The following CAMK1D variants were observed in gnomAD, a reference collection of about 807,000 sequenced individuals.
CAMK1D encodes calcium/calmodulin-dependent protein kinase type 1D.
Under a neutral mutation model 47.7 loss-of-function variants are expected in CAMK1D, and 9 were observed. That is an observed-to-expected ratio of 0.19 (90% CI 0.11 to 0.33). CAMK1D has a LOEUF of 0.33. CAMK1D is among the 10% of genes least tolerant of loss of function. CAMK1D has a pLI of 1.00. For missense variants in CAMK1D, 291 were observed against 488.7 expected (o/e 0.60, Z 3.81); for synonymous variants, 184 against 184.9 (o/e 0.99, Z 0.04).
At chr10:12,546,932 C>A (rs1836396717) in intron 1 of CAMK1D, among the ~76,000 whole-genome samples, 1 of 151,856 alleles carries the variant, frequency 6.6e-6, no homozygotes, top group Non-Finnish European at 1.5e-5. Context: ...ACGTGGTGCA[C>A]ATGTACCGTA....
intron 8 of CAMK1D, among the ~76,000 whole-genome samples, chr10:12,817,382 C>T (rs1390920444): frequency 6.6e-6 from 1 of 152,106 alleles, no homozygotes; most frequent in Non-Finnish European, 1.5e-5. Context: ...AGATGCTTTT[C>T]GAATTTGTGT....
At chr10:12,737,712 A>G (rs1835249114) in intron 3 of CAMK1D, among the ~76,000 whole-genome samples, 1 of 152,224 alleles carries the variant, frequency 6.6e-6, no homozygotes, top group Non-Finnish European at 1.5e-5. Context: ...TAATTGTGAT[A>G]TGACCAAATC....
chr10:12,395,135 G>A (rs1420393600), intron 1 of CAMK1D, among the ~76,000 whole-genome samples: 3 of 143,734 alleles, frequency 2.1e-5, no homozygotes, highest in African/African-American at 5.2e-5. Flanking sequence ...GCAGTGGTGC[G>A]ATCATAGCTA....
intron 3 of CAMK1D, among the ~76,000 whole-genome samples, chr10:12,732,083 A>G (rs1564522453): frequency 6.6e-6 from 1 of 152,154 alleles, no homozygotes; most frequent in Non-Finnish European, 1.5e-5. Flanking sequence ...CTTACTAAAA[A>G]TACAAAAAGT....
chr10:12,373,234 GC>G (rs1202360941), intron 1 of CAMK1D, among the ~76,000 whole-genome samples: 5 of 151,552 alleles, frequency 3.3e-5, no homozygotes, highest in Admixed American at 1.3e-4. Flanking sequence ...GATCACCTGA[GC>G]CCAGGAAGTT....
intron 1 of CAMK1D, among the ~76,000 whole-genome samples, chr10:12,414,098 G>C (rs1839764115): frequency 6.6e-6 from 1 of 152,168 alleles, no homozygotes; most frequent in African/African-American, 2.4e-5. Context: ...AAATTGTACA[G>C]CTCTCTGAAA....
intron 1 of CAMK1D, among the ~76,000 whole-genome samples, chr10:12,472,785 G>A (rs1209940242): frequency 6.6e-6 from 1 of 152,178 alleles, no homozygotes; most frequent in African/African-American, 2.4e-5. Flanking sequence ...GCCTCCCAAA[G>A]TGCTGGGATT....
intron 8 of CAMK1D, 120 bp from the exon 9 acceptor site, chr10:12,824,345 G>A (rs1833121866): frequency 2.5e-6 from 2 of 799,646 alleles, no homozygotes; most frequent in Non-Finnish European, 4.2e-6. Flanking sequence ...GCAGCGGCCA[G>A]CCACCCTGTC....
chr10:12,575,611 C>G (rs773095355), intron 2 of CAMK1D, among the ~76,000 whole-genome samples: 1 of 152,178 alleles, frequency 6.6e-6, no homozygotes, highest in Admixed American at 6.5e-5. Context: ...AATGGTAGCA[C>G]TTCCACTTAT....
At chr10:12,508,065 A>G (rs1834931295) in intron 1 of CAMK1D, among the ~76,000 whole-genome samples, 1 of 152,122 alleles carries the variant, frequency 6.6e-6, no homozygotes, top group South Asian at 2.1e-4. Flanking sequence ...TGGTGTTTTT[A>G]ACGAGCATCC....
chr10:12,797,387 CA>C lies in CAMK1D; in HGVS notation c.641+6157del, dbSNP rs1168961056. 4.6e-5 allele frequency among the ~76,000 whole-genome samples: 7 copies of C among 151,786 alleles called. No individual in the cohort carries two copies. In the East Asian group the frequency reaches 1.4e-3, roughly 29 times the overall value. On this transcript the variant is annotated intron_variant, in intron 6 of 10. Coordinates refer to ENST00000619168, the MANE Select transcript of CAMK1D (RefSeq NM_153498.4). ...TAATTAAAAACAAAACAAAACACAA[CA>C]AACTTTTTTTTTTTAGAGACGGGGT...
intron 2 of CAMK1D, among the ~76,000 whole-genome samples, chr10:12,555,067 A>G (rs1192065055): frequency 6.6e-6 from 1 of 152,206 alleles, no homozygotes; most frequent in Non-Finnish European, 1.5e-5. Context: ...AAGATGTTGG[A>G]AATATCCTTG....
chr10:12,732,189 C>T (rs1834918530), intron 3 of CAMK1D, among the ~76,000 whole-genome samples: 2 of 152,026 alleles, frequency 1.3e-5, no homozygotes, highest in African/African-American at 4.8e-5. Context: ...TGCAGTGAGC[C>T]CAGGTTGCGC....
chr10:12,650,904 C>T (rs1054072530), intron 2 of CAMK1D, among the ~76,000 whole-genome samples: 3 of 152,164 alleles, frequency 2.0e-5, no homozygotes, highest in Non-Finnish European at 2.9e-5. Flanking sequence ...GTTCATCTCG[C>T]CCCACACCCT....
chr10:12,739,424 T>A (rs1240236930), intron 3 of CAMK1D, among the ~76,000 whole-genome samples: 1 of 151,030 alleles, frequency 6.6e-6, no homozygotes, highest in Non-Finnish European at 1.5e-5. Flanking sequence ...TACAGGTGCA[T>A]GCCACCACAC....
chr10:12,441,371 A>AT (rs1034000309), intron 1 of CAMK1D, among the ~76,000 whole-genome samples: 7 of 151,500 alleles, frequency 4.6e-5, no homozygotes, highest in Non-Finnish European at 5.9e-5. Flanking sequence ...TAGTTTTTGT[A>AT]TTTTTTTTAG....
rs146868802 is a variant in CAMK1D at position 12,479,321 on chromosome 10, C to T, written c.93-73904C>T. Among the ~76,000 whole-genome samples, 671 of 152,138 alleles carry T rather than the reference C, an allele frequency of 4.4e-3. 6 individuals are homozygous for T. Among genetic ancestry groups the T allele is most frequent in the African/African-American group, 0.016 (648 of 41,492 alleles). ...AAGTGATTCTCCTGCCTCAGCCTCC[C>T]GAGTAGCTGGGATTGCAGGTGCGCA... is the stretch of plus-strand genomic sequence containing the variant. On this transcript the variant is annotated intron_variant, in intron 1 of 10. Coordinates refer to ENST00000619168, the MANE Select transcript of CAMK1D (RefSeq NM_153498.4).
chr10:12,722,200 T>C (rs949689863), intron 3 of CAMK1D, among the ~76,000 whole-genome samples: 4 of 151,846 alleles, frequency 2.6e-5, no homozygotes, highest in African/African-American at 9.7e-5. Flanking sequence ...TCCCAGCACT[T>C]TGGGAGGCTG....
chr10:12,536,135 C>G (rs1375332828), intron 1 of CAMK1D, among the ~76,000 whole-genome samples: 1 of 151,024 alleles, frequency 6.6e-6, no homozygotes, highest in Non-Finnish European at 1.5e-5. Flanking sequence ...TCAAATTTAC[C>G]CAAAAGTGTA....
Sources: gnomAD v4.1 joint callset for allele counts (sites outside exome capture counted in the v4.1 genomes callset) on GRCh38, gnomAD v4.1.1 for gene constraint, MANE v1.5 for transcripts, NCBI Gene and HGNC (gene_info 2026-07-23, HGNC 2026-07-21) for gene names.